CCDC7: variants seen among roughly 807,000 people sequenced by gnomAD.
CCDC7 encodes the protein coiled-coil domain containing 7, also known as coiled-coil domain-containing protein 7.
In CCDC7, 183 loss-of-function variants were observed where a neutral mutation model predicts 196.9. The ratio of observed to expected loss-of-function variants is 0.93; its 90% CI spans 0.82 to 1.05. The LOEUF (loss-of-function observed/expected upper bound fraction) is 1.05. Among genes scored for constraint, CCDC7 ranks in the 50% least tolerant of loss-of-function variants. CCDC7 has a pLI of 0.00. For missense variants in CCDC7, 1,540 were observed against 1,482.2 expected (o/e 1.04, Z -0.64); for synonymous variants, 525 against 484.6 (o/e 1.08, Z -1.10).
intron 22 of CCDC7, among the ~76,000 whole-genome samples, chr10:32,688,531 G>T (rs2076722047): frequency 1.3e-5 from 2 of 150,594 alleles, no homozygotes; most frequent in African/African-American, 2.4e-5. Flanking sequence ...CTCCCTTTTG[G>T]TTTTTTTCCA....
At chr10:32,609,352 T>C (rs1049442201) in intron 18 of CCDC7, among the ~76,000 whole-genome samples, 1 of 152,206 alleles carries the variant, frequency 6.6e-6, no homozygotes, top group Non-Finnish European at 1.5e-5. Context: ...CTGTTATTAT[T>C]ATGTAATGAT....
chr10:32,616,834 T>A (rs971079659), intron 18 of CCDC7, among the ~76,000 whole-genome samples: 8 of 151,902 alleles, frequency 5.3e-5, no homozygotes, highest in African/African-American at 1.9e-4. Flanking sequence ...ATGCTTTTTT[T>A]ATGCCTAGTT....
At chr10:32,524,552 T>G (rs575557262) in intron 11 of CCDC7, among the ~76,000 whole-genome samples, 12 of 152,346 alleles carry the variant, frequency 7.9e-5, no homozygotes, top group African/African-American at 2.9e-4. Flanking sequence ...TAGCATCTCT[T>G]ATGGGACAGG....
chr10:32,676,188 A>AACGCTGAAACTGG (rs373621954), intron 21 of CCDC7, among the ~76,000 whole-genome samples: 1 of 35,496 alleles, frequency 2.8e-5, no homozygotes, highest in Non-Finnish European at 8.7e-5. Context: ...CCATATGTAG[A>AACGCTGAAACTGG]ATCCCTTCCT....
intron 8 of CCDC7, among the ~76,000 whole-genome samples, chr10:32,483,087 A>G (rs1228308364): frequency 6.6e-6 from 1 of 152,200 alleles, no homozygotes; most frequent in African/African-American, 2.4e-5. Context: ...GCCTTCCACA[A>G]TGGTTGAACT....
At chr10:32,599,351 G>A (rs2060755338) in intron 18 of CCDC7, among the ~76,000 whole-genome samples, 1 of 152,050 alleles carries the variant, frequency 6.6e-6, no homozygotes, top group Non-Finnish European at 1.5e-5. Flanking sequence ...ATGTATGTAT[G>A]TATGTGTTTA....
intron 33 of CCDC7, among the ~76,000 whole-genome samples, chr10:32,839,500 A>G (rs577078676): frequency 6.6e-6 from 1 of 152,152 alleles, no homozygotes; most frequent in Non-Finnish European, 1.5e-5. Context: ...GGAAATGCCA[A>G]GCTTATAAAA....
chr10:32,704,042 G>C (rs572403348), intron 24 of CCDC7, among the ~76,000 whole-genome samples: 1 of 152,088 alleles, frequency 6.6e-6, no homozygotes, highest in African/African-American at 2.4e-5. Context: ...ACCCAGCTTT[G>C]TTCCATTGCT....
chr10:32,448,766 T>C (rs1424551698), upstream of CCDC7, among the ~76,000 whole-genome samples: 1 of 152,142 alleles, frequency 6.6e-6, no homozygotes, highest in Non-Finnish European at 1.5e-5. Flanking sequence ...TTTATTGTTA[T>C]TAACAAATAT....
chr10:32,446,063 C>A (rs935438727), upstream of CCDC7: 1 of 152,220 alleles, frequency 6.6e-6, no homozygotes, highest in African/African-American at 2.4e-5. Flanking sequence ...GCTCTCGGCG[C>A]GCAGCTCACG....
intron 20 of CCDC7, among the ~76,000 whole-genome samples, chr10:32,645,122 G>T (rs1341002267): frequency 6.6e-6 from 1 of 152,154 alleles, no homozygotes; most frequent in Non-Finnish European, 1.5e-5. Context: ...AATCATCAGA[G>T]AAATTCAAAT....
chr10:32,532,267 T>C (rs1270142348), intron 11 of CCDC7, among the ~76,000 whole-genome samples: 1 of 152,206 alleles, frequency 6.6e-6, no homozygotes, highest in Non-Finnish European at 1.5e-5. Context: ...AATTTTTAAG[T>C]GTCATTCTTA....
chr10:32,713,270 C>T (rs1320932011), intron 25 of CCDC7, among the ~76,000 whole-genome samples: 1 of 152,216 alleles, frequency 6.6e-6, no homozygotes, highest in Non-Finnish European at 1.5e-5. Context: ...TTTGTTTCCT[C>T]CTCGTCCTCA....
chr10:32,627,589 G>A lies in CCDC7; in HGVS notation c.1802-6665G>A, dbSNP rs971017210. Reference sequence around the variant, plus strand: ...AGAGTGGGCATTCTTGTCTTGTCCAGATCTTAGAGGAAAGGCTTTCAATTT... The same window carrying A: ...AGAGTGGGCATTCTTGTCTTGTCCAAATCTTAGAGGAAAGGCTTTCAATTT... On this transcript the variant is annotated intron_variant, in intron 18 of 41. Transcript: ENST00000639629. Among the ~76,000 whole-genome samples the A allele has an allele frequency of 5.3e-5, 8 of 152,004 alleles. No homozygotes were observed. The East Asian group carries it at 9.6e-4, about 18-fold the overall frequency.
chr10:32,596,081 C>A (rs533162641), intron 18 of CCDC7, among the ~76,000 whole-genome samples: 26 of 152,144 alleles, frequency 1.7e-4, no homozygotes, highest in Non-Finnish European at 3.7e-4. Context: ...GAGCTGAGTT[C>A]ATTTCCTGGA....
At chr10:32,789,163 T>A (rs2082310599) in intron 29 of CCDC7, among the ~76,000 whole-genome samples, 1 of 150,178 alleles carries the variant, frequency 6.7e-6, no homozygotes, top group Non-Finnish European at 1.5e-5. Context: ...TCTTCAAATG[T>A]GAAAATACCA....
At chr10:32,752,109 T>C (rs7898081) in intron 28 of CCDC7, among the ~76,000 whole-genome samples, 165 of 152,248 alleles carry the variant, frequency 1.1e-3, no homozygotes, top group African/African-American at 3.6e-3. Context: ...ATCCATATTA[T>C]TTTTGATAGG....
At chr10:32,446,595 T>G (rs2031109011) in intron 1 of CCDC7, 198 bp downstream of exon 1, 2 of 152,210 alleles carry the variant, frequency 1.3e-5, no homozygotes. Flanking sequence ...CTCTCCTCTA[T>G]TTTGTACACT....
intron 15 of CCDC7, among the ~76,000 whole-genome samples, 156 bp downstream of exon 16, chr10:32,568,047 G>T (rs996122340): frequency 7.8e-6 from 1 of 127,592 alleles, no homozygotes; most frequent in African/African-American, 3.0e-5. Flanking sequence ...TTGCTCTGTC[G>T]CCAGGCTAGA....
Sources: gnomAD v4.1 joint callset for allele counts (sites outside exome capture counted in the v4.1 genomes callset) on GRCh38, gnomAD v4.1.1 for gene constraint, MANE v1.5 for transcripts, NCBI Gene and HGNC (gene_info 2026-07-23, HGNC 2026-07-21) for gene names.